NELL2: variants seen among roughly 807,000 people sequenced by gnomAD.
NELL2 encodes the protein protein kinase C-binding protein NELL2.
NELL2 carries 41 observed loss-of-function variants against 109.6 expected under a neutral mutation model. The ratio of observed to expected loss-of-function variants is 0.37; its 90% CI spans 0.29 to 0.49. The LOEUF (loss-of-function observed/expected upper bound fraction) is 0.49, where lower values mean the gene tolerates loss of function less well. Ranked by LOEUF, NELL2 falls within the 20% of genes least tolerant of loss-of-function variation. The probability of loss-of-function intolerance (pLI) is 0.98; values close to 1 mark genes in which losing one functional copy is unlikely to be tolerated. For missense variants in NELL2, 900 were observed against 1,008.3 expected, an observed-to-expected ratio of 0.89 and a Z score of 1.45; for synonymous variants, 355 against 344.7, an observed-to-expected ratio of 1.03 and a Z score of -0.33.
At chr12:44,761,665 G>A (rs1199578647) in intron 9 of NELL2, among the ~76,000 whole-genome samples, 1 of 152,074 alleles carries the variant, frequency 6.6e-6, no homozygotes, top group Admixed American at 6.6e-5. Flanking sequence ...AAGAAAGTGT[G>A]GCATATATAC....
chr12:44,546,855 C>A (rs1942814466), intron 15 of NELL2, among the ~76,000 whole-genome samples: 2 of 152,000 alleles, frequency 1.3e-5, no homozygotes, highest in South Asian at 4.1e-4. Flanking sequence ...TTAAAAAAAA[C>A]CTTTGGCTTG....
chr12:44,739,651 GAGGCCA>G (rs1329368012), intron 9 of NELL2, among the ~76,000 whole-genome samples: 1 of 152,184 alleles, frequency 6.6e-6, no homozygotes, highest in African/African-American at 2.4e-5. Flanking sequence ...AGCAAGTTGG[GAGGCCA>G]AGGTGAGTGG....
chr12:44,686,790 G>A (rs983034348), intron 12 of NELL2, among the ~76,000 whole-genome samples: 20 of 152,188 alleles, frequency 1.3e-4, no homozygotes, highest in African/African-American at 4.1e-4. Flanking sequence ...CTCCAGCTGC[G>A]TGCTGGGAGC....
At chr12:44,828,634 C>T (rs150184648) in intron 2 of NELL2, among the ~76,000 whole-genome samples, 1,680 of 152,074 alleles carry the variant, frequency 0.011, 19 homozygotes, top group Admixed American at 0.019. Context: ...GTTCTATTCC[C>T]AGAACCAACA....
chr12:44,657,620 C>T (rs1004524339), intron 13 of NELL2, among the ~76,000 whole-genome samples: 3 of 152,126 alleles, frequency 2.0e-5, no homozygotes, highest in Non-Finnish European at 4.4e-5. Flanking sequence ...CTAATGCTAT[C>T]CCTCCCCTAG....
intron 16 of NELL2, 47 bp downstream of exon 16, chr12:44,532,534 A>C (rs778368388): frequency 5.1e-6 from 8 of 1,582,446 alleles, no homozygotes; most frequent in Non-Finnish European, 6.9e-6. Context: ...TATATTCCTC[A>C]AGTTCAAGAG....
At chr12:44,862,304 A>T (rs1944866307) in intron 2 of NELL2, among the ~76,000 whole-genome samples, 1 of 152,212 alleles carries the variant, frequency 6.6e-6, no homozygotes, top group Non-Finnish European at 1.5e-5. Context: ...GAAACAAAAG[A>T]CATCATTCTA....
chr12:44,736,097 G>A (rs527858696), intron 9 of NELL2, among the ~76,000 whole-genome samples: 64 of 136,474 alleles, frequency 4.7e-4, no homozygotes, highest in South Asian at 1.5e-3. Context: ...TGCAAGCTCC[G>A]CCTCCCGGGT....
intron 13 of NELL2, among the ~76,000 whole-genome samples, chr12:44,637,344 C>A (rs1801196074): frequency 6.6e-6 from 1 of 150,420 alleles, no homozygotes; most frequent in Non-Finnish European, 1.5e-5. Flanking sequence ...TATTTATTGA[C>A]CACCTACCCT....
intron 3 of NELL2, among the ~76,000 whole-genome samples, chr12:44,799,707 G>A (rs1359177404): frequency 6.6e-6 from 1 of 152,054 alleles, no homozygotes; most frequent in African/African-American, 2.4e-5. Context: ...AGGGTTTTCA[G>A]GTGTGTAGGG....
intron 2 of NELL2, among the ~76,000 whole-genome samples, chr12:44,847,208 A>C (rs953086569): frequency 6.6e-6 from 1 of 152,230 alleles, no homozygotes; most frequent in Non-Finnish European, 1.5e-5. Context: ...CAACCTCACC[A>C]GTGAAGTAAG....
At chr12:44,703,983 A>G (rs1937708111) in intron 11 of NELL2, 129 bp from the exon 12 acceptor site, 1 of 720,268 alleles carries the variant, frequency 1.4e-6, no homozygotes, top group Non-Finnish European at 2.2e-6. Flanking sequence ...ATCTTCATCA[A>G]CATTTACAGA....
chr12:44,609,829 A>G (rs1302246947), intron 14 of NELL2, among the ~76,000 whole-genome samples: 1 of 152,050 alleles, frequency 6.6e-6, no homozygotes, highest in East Asian at 1.9e-4. Flanking sequence ...CCTCACACAG[A>G]CACGGTATCA....
chr12:44,721,527 A>G (rs915749571), intron 9 of NELL2, among the ~76,000 whole-genome samples: 52 of 152,354 alleles, frequency 3.4e-4, no homozygotes, highest in African/African-American at 1.3e-3. Context: ...TAGAATCCAT[A>G]TGACAGTCCT....
rs568029421 is a variant in NELL2, at chr12:44,711,927, T to C, written c.1087-533A>G. Reference sequence around the variant, plus strand: ...CTCTTGTAAATTAATGTCTAGCACATTTTCAGGCACATAATTGGCACTTAA... The same window carrying C: ...CTCTTGTAAATTAATGTCTAGCACACTTTCAGGCACATAATTGGCACTTAA... On this transcript the variant is annotated intron_variant, in intron 10 of 19. Transcript: ENST00000429094. Among the ~76,000 whole-genome samples the C allele has an allele frequency of 5.9e-5, 9 of 152,194 alleles. No homozygotes were observed. In the East Asian group the frequency reaches 1.7e-3, roughly 29 times the overall value.
chr12:44,636,429 T>C (rs961839171), intron 13 of NELL2, among the ~76,000 whole-genome samples: 2 of 152,186 alleles, frequency 1.3e-5, no homozygotes, highest in African/African-American at 4.8e-5. Flanking sequence ...CTGTCATAAA[T>C]AGCTCTTATT....
At chr12:44,610,993 G>A in intron 13 of NELL2, 23 bp from the exon 14 acceptor site, 1 of 1,606,838 alleles carries the variant, frequency 6.2e-7, no homozygotes, top group Non-Finnish European at 8.5e-7. Context: ...ATACAATTTT[G>A]TTACTCAAAG....
chr12:44,907,954 T>C (rs1019113332), intron 1 of NELL2, among the ~76,000 whole-genome samples: 2 of 152,022 alleles, frequency 1.3e-5, no homozygotes, highest in African/African-American at 4.8e-5. Flanking sequence ...AGGCAGAAGG[T>C]CATTAAATGT....
intron 1 of NELL2, among the ~76,000 whole-genome samples, chr12:44,921,512 C>T (rs1945867908): frequency 6.6e-6 from 1 of 152,086 alleles, no homozygotes; most frequent in South Asian, 2.1e-4. Flanking sequence ...GTAATGTAAC[C>T]TCTGTGTACC....
Sources: allele counts gnomAD v4.1 joint callset (sites outside exome capture counted in the v4.1 genomes callset), GRCh38; gene constraint gnomAD v4.1.1; transcripts MANE v1.5; gene names NCBI Gene and HGNC (gene_info 2026-07-23, HGNC 2026-07-21).